The following CAB39 variants were observed in gnomAD, a reference collection of about 807,000 sequenced individuals.
The protein encoded by CAB39 is calcium binding protein 39.
In CAB39, 8 loss-of-function variants were observed where a neutral mutation model predicts 40.0. The ratio of observed to expected loss-of-function variants is 0.20; its 90% CI spans 0.12 to 0.36. The LOEUF is 0.36. Among genes scored for constraint, CAB39 ranks in the 10% least tolerant of loss-of-function variants. CAB39 has a pLI of 1.00. For missense variants in CAB39, 270 were observed against 401.1 expected (o/e 0.67, Z 2.79); for synonymous variants, 156 against 141.6 (o/e 1.10, Z -0.72).
intron 2 of CAB39, among the ~76,000 whole-genome samples, chr2:230,774,224 C>A (rs1428120838): frequency 6.6e-6 from 1 of 152,140 alleles, no homozygotes; most frequent in South Asian, 2.1e-4. Context: ...CTTTTTCCAT[C>A]CATTTCTTGT....
chr2:230,748,577 G>A (rs530189066), intron 1 of CAB39, among the ~76,000 whole-genome samples: 21 of 151,884 alleles, frequency 1.4e-4, no homozygotes, highest in African/African-American at 4.6e-4. Flanking sequence ...AGACCAAGGC[G>A]GGTCAATCAC....
chr2:230,789,242 A>C (rs188976759), intron 2 of CAB39, among the ~76,000 whole-genome samples: 32 of 152,174 alleles, frequency 2.1e-4, no homozygotes, highest in Non-Finnish European at 3.4e-4. Flanking sequence ...TATGCCTTTC[A>C]TTCCTCTACT....
intron 1 of CAB39, among the ~76,000 whole-genome samples, chr2:230,730,687 A>G (rs1575905466): frequency 1.3e-5 from 2 of 152,026 alleles, no homozygotes; most frequent in African/African-American, 4.8e-5. Flanking sequence ...CAGGTGATCC[A>G]CCTGCCTCGG....
intron 2 of CAB39, among the ~76,000 whole-genome samples, chr2:230,772,488 T>TG (rs145089752): frequency 2.1e-5 from 2 of 95,866 alleles, no homozygotes; most frequent in African/African-American, 1.9e-4. Flanking sequence ...GTTTGGCAGG[T>TG]TTTTTTTTTT....
At chr2:230,720,687 T>A (rs990326891) in intron 1 of CAB39, among the ~76,000 whole-genome samples, 1 of 152,218 alleles carries the variant, frequency 6.6e-6, no homozygotes, top group African/African-American at 2.4e-5. Flanking sequence ...CCCAAAGTGC[T>A]GGGGTTACAG....
intron 1 of CAB39, among the ~76,000 whole-genome samples, chr2:230,755,516 G>C (rs1695173403): frequency 6.6e-6 from 1 of 152,094 alleles, no homozygotes; most frequent in Non-Finnish European, 1.5e-5. Context: ...TGATTTGTTT[G>C]AGTTTGTTGT....
At chr2:230,799,583 T>G (rs572209838) in intron 5 of CAB39, among the ~76,000 whole-genome samples, 40 of 152,392 alleles carry the variant, frequency 2.6e-4, no homozygotes, top group African/African-American at 9.1e-4. Context: ...CTATGCTGTT[T>G]ACAATCTATG....
intron 4 of CAB39, among the ~76,000 whole-genome samples, chr2:230,795,364 A>G (rs1695966352): frequency 6.6e-6 from 1 of 151,944 alleles, no homozygotes; most frequent in Non-Finnish European, 1.5e-5. Context: ...AGTTAATATT[A>G]TGCCATCTCT....
intron 5 of CAB39, among the ~76,000 whole-genome samples, chr2:230,805,282 A>G (rs569777114): frequency 3.9e-5 from 6 of 152,142 alleles, no homozygotes; most frequent in Non-Finnish European, 8.8e-5. Context: ...GATAGCATTA[A>G]GAGAAATACC....
At chr2:230,789,854 G>A (rs1378510582) in intron 2 of CAB39, among the ~76,000 whole-genome samples, 1 of 152,208 alleles carries the variant, frequency 6.6e-6, no homozygotes, top group African/African-American at 2.4e-5. Flanking sequence ...GGCCTAGCAA[G>A]AAGGTAGGGT....
intron 1 of CAB39, among the ~76,000 whole-genome samples, chr2:230,736,543 CAAAG>C (rs1694791155): frequency 1.3e-5 from 2 of 152,190 alleles, no homozygotes; most frequent in South Asian, 4.1e-4. Flanking sequence ...GTAGCCAGAA[CAAAG>C]AAAGAAAGAG....
intron 1 of CAB39, among the ~76,000 whole-genome samples, chr2:230,745,230 G>A (rs1014609172): frequency 6.6e-6 from 1 of 152,082 alleles, no homozygotes; most frequent in South Asian, 2.1e-4. Context: ...TATATAATAG[G>A]TATATCTAGT....
rs1298416038 is a variant in CAB39 at position 230,725,196 on chromosome 2, T to C, written c.-44+11966T>C. ...AGGCAGTCCCGGGACTGCTTGGCGCTGGCGCCACAAGTGTCTTTCAGCCAT... is the reference window on the plus strand; with the variant it reads ...AGGCAGTCCCGGGACTGCTTGGCGCCGGCGCCACAAGTGTCTTTCAGCCAT... On this transcript the variant is annotated intron_variant, in intron 1 of 8. Coordinates refer to ENST00000258418, the MANE Select transcript of CAB39 (RefSeq NM_016289.4). 21 of 1,605,566 alleles carry C rather than the reference T, an allele frequency of 1.3e-5. No individual in the cohort carries two copies. The East Asian group carries it at 3.8e-4, about 29-fold the overall frequency.
At chr2:230,757,746 A>T (rs1390430239) in intron 1 of CAB39, among the ~76,000 whole-genome samples, 1 of 152,212 alleles carries the variant, frequency 6.6e-6, no homozygotes, top group East Asian at 1.9e-4. Flanking sequence ...AGGAAAGATA[A>T]TATTTTCAGA....
chr2:230,720,981 TTCGTGTC>T (rs1466635065), intron 1 of CAB39, among the ~76,000 whole-genome samples: 7 of 152,218 alleles, frequency 4.6e-5, no homozygotes, highest in Admixed American at 2.0e-4. Flanking sequence ...GTATGTAAGT[TTCGTGTC>T]TCTAGATTGT....
intron 2 of CAB39, among the ~76,000 whole-genome samples, chr2:230,761,697 CTT>C (rs1484427297): frequency 6.6e-6 from 1 of 152,024 alleles, no homozygotes; most frequent in East Asian, 1.9e-4. Flanking sequence ...TGCTTATTAT[CTT>C]TTGGTATGTG....
chr2:230,736,201 T>A (rs1021305069), intron 1 of CAB39, among the ~76,000 whole-genome samples: 1 of 152,196 alleles, frequency 6.6e-6, no homozygotes, highest in East Asian at 1.9e-4. Flanking sequence ...TGTAACATTG[T>A]TACCTATTTC....
intron 1 of CAB39, among the ~76,000 whole-genome samples, chr2:230,752,837 G>C (rs1246895147): frequency 6.6e-6 from 1 of 152,216 alleles, no homozygotes; most frequent in African/African-American, 2.4e-5. Context: ...TGACAACCAA[G>C]TTTAGTGATG....
chr2:230,814,508 C>A (rs779477358), intron 7 of CAB39, among the ~76,000 whole-genome samples: 3 of 152,028 alleles, frequency 2.0e-5, no homozygotes, highest in Non-Finnish European at 4.4e-5. Context: ...GGCTGTGGAC[C>A]GTAGACAGGC....
Sources: allele counts gnomAD v4.1 joint callset (sites outside exome capture counted in the v4.1 genomes callset), GRCh38; gene constraint gnomAD v4.1.1; transcripts MANE v1.5; gene names NCBI Gene and HGNC (gene_info 2026-07-23, HGNC 2026-07-21).